The following KIF26B variants were observed in gnomAD, a reference collection of about 807,000 sequenced individuals.
KIF26B encodes kinesin-like protein KIF26B.
In KIF26B, 63 loss-of-function variants were observed where a neutral mutation model predicts 151.2. The observed-to-expected ratio is 0.42, with a 90% CI of 0.34 to 0.51. The LOEUF (loss-of-function observed/expected upper bound fraction) is 0.51. Among genes scored for constraint, KIF26B ranks in the 20% least tolerant of loss-of-function variants. The pLI is 0.07. For missense variants in KIF26B, 2,813 were observed against 2,913.6 expected, an observed-to-expected ratio of 0.97 and a Z score of 0.79; for synonymous variants, 1,357 against 1,262.1, an observed-to-expected ratio of 1.08 and a Z score of -1.59.
intron 10 of KIF26B, chr1:245,676,102 C>T (rs1348884164): frequency 6.6e-6 from 1 of 152,130 alleles, no homozygotes. Context: ...CTCTGTGGCC[C>T]TAAAAAGAGT....
chr1:245,419,887 T>C (rs1658434672), intron 4 of KIF26B, 142 bp downstream of exon 4: 1 of 821,970 alleles, frequency 1.2e-6, no homozygotes, highest in African/African-American at 1.7e-5. Flanking sequence ...TTCTCAGCCA[T>C]GGCACTGTGA....
chr1:245,282,661 C>T (rs1183190432), intron 2 of KIF26B, among the ~76,000 whole-genome samples: 3 of 152,298 alleles, frequency 2.0e-5, no homozygotes, highest in Middle Eastern at 3.4e-3. Flanking sequence ...AATCAGACAT[C>T]GCCTCCTCCA....
intron 4 of KIF26B, among the ~76,000 whole-genome samples, chr1:245,446,575 C>A (rs1659255376): frequency 6.6e-6 from 1 of 152,092 alleles, no homozygotes; most frequent in South Asian, 2.1e-4. Context: ...GTGTTTTTAG[C>A]CCCCAAGGCC....
rs549368121 is a variant in KIF26B, at chr1:245,608,425, T to C, written c.1651+681T>C. ...CTTGCTGGAGCTCACAGAGGCCAGT[T>C]CTCAGCCAGGACAGAAAGCCATTGC... On this transcript the variant is annotated intron_variant, in intron 7 of 14. Transcript: ENST00000407071. Among the ~76,000 whole-genome samples, 3 of 152,316 alleles carry C rather than the reference T, an allele frequency of 2.0e-5. No homozygotes were observed. The East Asian group carries it at 5.8e-4, about 29-fold the overall frequency.
In KIF26B at chr1:245,648,185, T is replaced by C. The variant is rs116659078; in HGVS notation, c.2258+1905T>C. Among the ~76,000 whole-genome samples, 551 of 152,350 alleles carry C rather than the reference T, an allele frequency of 3.6e-3. 2 individuals carry two copies. The highest frequency in any genetic ancestry group is 0.012 in the African/African-American group (510 of 41,588). On this transcript the variant is annotated intron_variant, in intron 10 of 14. Transcript: ENST00000407071. ...GGTCATTGATTACATATCTTACTTA[T>C]AGCTTTTACACTGTTTCTGCAGGGC...
At chr1:245,650,523 A>G (rs1371550002) in intron 10 of KIF26B, among the ~76,000 whole-genome samples, 1 of 152,246 alleles carries the variant, frequency 6.6e-6, no homozygotes, top group African/African-American at 2.4e-5. Context: ...CCATGACCCA[A>G]TTATCTCAAA....
chr1:245,219,638 G>A (rs570273405), intron 2 of KIF26B, among the ~76,000 whole-genome samples: 1 of 152,214 alleles, frequency 6.6e-6, no homozygotes, highest in East Asian at 2.0e-4. Flanking sequence ...GGAGGCTGAG[G>A]CGGGAGGATC....
At chr1:245,331,253 C>T (rs1291462843) in intron 2 of KIF26B, among the ~76,000 whole-genome samples, 1 of 151,996 alleles carries the variant, frequency 6.6e-6, no homozygotes, top group Non-Finnish European at 1.5e-5. Context: ...CAGAGGCTTC[C>T]CAGCGCCACG....
intron 2 of KIF26B, among the ~76,000 whole-genome samples, chr1:245,249,045 G>A (rs997469835): frequency 6.6e-6 from 1 of 152,190 alleles, no homozygotes; most frequent in Non-Finnish European, 1.5e-5. Flanking sequence ...AAGTGAAGCA[G>A]TGTTAGAGGA....
In KIF26B at chr1:245,702,732, G is replaced by A; in HGVS notation, c.*126G>A. The A allele has an allele frequency of 3.6e-6, 4 of 1,115,704 alleles. No individual in the cohort carries two copies. The highest frequency in any genetic ancestry group is 4.8e-5 in the East Asian group (2 of 41,324). 69.1% of individuals were successfully genotyped at this position (1,115,704 alleles called of 1,614,324 possible). On this transcript the variant is annotated 3_prime_UTR_variant, in exon 15 of 15. Coordinates refer to ENST00000407071, the MANE Select transcript of KIF26B (RefSeq NM_018012.4). This position sits in a 1 kb window ranked among gnomAD's most constrained non-coding sequence, Gnocchi z 4.1. ...GAGGATGAAGGTTGGTGGCAAGTCT[G>A]GAGCGGGCGTTGAGCGGAAGGCGAG...
chr1:245,166,862 T>TGGAG lies in KIF26B; in HGVS notation c.465+10181_465+10184dup, dbSNP rs1169392896. On this transcript the variant is annotated intron_variant, in intron 2 of 14. Transcript: ENST00000407071. The surrounding 1 kb of genome is among the most constrained non-coding windows in gnomAD (Gnocchi z 4.5). ...CAGCTCTCAGGGCTGGAGGTGACCGTGGAGGAGAGGGATCCTGTGAGCTCT... is the reference window on the plus strand; with the variant it reads ...CAGCTCTCAGGGCTGGAGGTGACCGTGGAGGGAGGAGAGGGATCCTGTGAGCTCT... 1.3e-5 allele frequency among the ~76,000 whole-genome samples: 2 copies of TGGAG among 152,178 alleles called. No individual in the cohort carries two copies. Among genetic ancestry groups the TGGAG allele is most frequent in the African/African-American group, 4.8e-5 (2 of 41,436 alleles).
At chr1:245,600,925 G>A (rs2043389338) in intron 5 of KIF26B, among the ~76,000 whole-genome samples, 1 of 152,182 alleles carries the variant, frequency 6.6e-6, no homozygotes, top group Non-Finnish European at 1.5e-5. Flanking sequence ...GTAGGCATTG[G>A]AGGTGGGATC....
Position 245,503,141 on chromosome 1 carries a change from G to A in KIF26B, c.1167-37626G>A, listed in dbSNP as rs190270843. 2.4e-3 allele frequency among the ~76,000 whole-genome samples: 363 copies of A among 152,218 alleles called. 2 individuals carry two copies. Among genetic ancestry groups the A allele is most frequent in the African/African-American group, 7.9e-3 (330 of 41,538 alleles). ...TCCCAAAGTGCTGGGATTACAGCGT[G>A]AGCCACCGCACCCGGCCATGGTGAA... is the stretch of plus-strand genomic sequence containing the variant. On this transcript the variant is annotated intron_variant, in intron 4 of 14. Transcript: ENST00000407071.
intron 2 of KIF26B, among the ~76,000 whole-genome samples, chr1:245,175,092 T>G (rs1359176311): frequency 6.6e-6 from 1 of 152,196 alleles, no homozygotes; most frequent in East Asian, 1.9e-4. Context: ...CGGTTGAGAC[T>G]TCCCACCAGG....
At position 245,702,404 on chromosome 1, in the gene KIF26B, T is replaced by TTGCTTCTCACCC; in HGVS notation, c.6179-51_6179-40dup. ...CAGCTCCAGGCTGAGCCGTCGGGAG[T>TTGCTTCTCACCC]TGCTTCTCACCCTGTTTGCTCTGCG... On this transcript the variant is annotated intron_variant, in intron 14 of 14. Coordinates refer to ENST00000407071, the MANE Select transcript of KIF26B (RefSeq NM_018012.4). This position sits in a 1 kb window ranked among gnomAD's most constrained non-coding sequence, Gnocchi z 4.1. 6.2e-7 allele frequency: 1 copy of TTGCTTCTCACCC among 1,601,844 alleles called. No individual in the cohort carries two copies.
intron 5 of KIF26B, among the ~76,000 whole-genome samples, chr1:245,598,371 C>T (rs1173779324): frequency 7.9e-5 from 12 of 152,166 alleles, no homozygotes; most frequent in Admixed American, 7.9e-4. Context: ...CTGAGGGATC[C>T]TTCCAGTGGT....
At chr1:245,377,430 G>T (rs1046545091) in intron 3 of KIF26B, among the ~76,000 whole-genome samples, 5 of 152,116 alleles carry the variant, frequency 3.3e-5, no homozygotes, top group Non-Finnish European at 7.4e-5. Flanking sequence ...AAGGACAAAA[G>T]CCATTGGGTT....
intron 10 of KIF26B, among the ~76,000 whole-genome samples, chr1:245,655,042 C>T (rs1250973238): frequency 6.6e-6 from 1 of 152,176 alleles, no homozygotes; most frequent in East Asian, 1.9e-4. Context: ...AGACTGAGCT[C>T]CCAGAGAAGT....
chr1:245,533,412 C>T (rs1661418468), intron 4 of KIF26B, among the ~76,000 whole-genome samples: 1 of 152,094 alleles, frequency 6.6e-6, no homozygotes, highest in African/African-American at 2.4e-5. Context: ...GCTCGAATGA[C>T]CTCTTAAATT....
Sources: gnomAD v4.1 joint callset for allele counts (sites outside exome capture counted in the v4.1 genomes callset) on GRCh38, gnomAD v4.1.1 for gene constraint, Gnocchi (gnomAD v3.1) non-coding constraint, MANE v1.5 for transcripts, NCBI Gene and HGNC (gene_info 2026-07-23, HGNC 2026-07-21) for gene names.